SNAP25: variants seen among roughly 807,000 people sequenced by gnomAD.
SNAP25 encodes synaptosomal-associated protein 25.
A neutral mutation model predicts 28.7 loss-of-function variants in SNAP25; 3 were observed. The observed-to-expected ratio is 0.10, with a 90% CI of 0.05 to 0.27. The LOEUF is 0.27. SNAP25 is among the 10% of genes least tolerant of loss of function. The pLI is 1.00. For missense variants in SNAP25, 117 were observed against 278.7 expected, an observed-to-expected ratio of 0.42 and a Z score of 4.13; for synonymous variants, 61 against 88.1, an observed-to-expected ratio of 0.69 and a Z score of 1.72.
intron 1 of SNAP25, among the ~76,000 whole-genome samples, chr20:10,260,716 C>CAA (rs1435745658): frequency 4.1e-5 from 6 of 147,518 alleles, no homozygotes; most frequent in African/African-American, 1.5e-4. Flanking sequence ...CACACACACA[C>CAA]ACACACAAAC....
chr20:10,227,730 A>C (rs1236115299), intron 1 of SNAP25, among the ~76,000 whole-genome samples: 3 of 152,172 alleles, frequency 2.0e-5, no homozygotes, highest in Non-Finnish European at 4.4e-5. Context: ...CCATTCACTA[A>C]GAGCATTTAA....
intron 3 of SNAP25, among the ~76,000 whole-genome samples, chr20:10,279,861 T>C (rs953780900): frequency 1.3e-5 from 2 of 152,236 alleles, no homozygotes; most frequent in African/African-American, 4.8e-5. Context: ...TTAGAGTAGA[T>C]TGATTTGCTC....
chr20:10,264,918 C>CTT (rs958711328), intron 1 of SNAP25, among the ~76,000 whole-genome samples: 33 of 117,114 alleles, frequency 2.8e-4, no homozygotes, highest in Middle Eastern at 5.0e-3. Flanking sequence ...TCAGACCATG[C>CTT]TTTTTTTTTT....
intron 4 of SNAP25, among the ~76,000 whole-genome samples, chr20:10,285,165 A>C (rs916095768): frequency 6.6e-6 from 1 of 152,164 alleles, no homozygotes; most frequent in African/African-American, 2.4e-5. Flanking sequence ...CGTATGGCAT[A>C]TCATGTTGTC....
intron 1 of SNAP25, among the ~76,000 whole-genome samples, chr20:10,258,013 A>G (rs1381524823): frequency 6.6e-6 from 1 of 152,158 alleles, no homozygotes; most frequent in Non-Finnish European, 1.5e-5. Flanking sequence ...AAGCAAAATG[A>G]TGGATGCACA....
At chr20:10,260,619 A>T (rs148400305) in intron 1 of SNAP25, among the ~76,000 whole-genome samples, 24 of 152,068 alleles carry the variant, frequency 1.6e-4, no homozygotes, top group African/African-American at 5.3e-4. Flanking sequence ...TCGGTCAGGA[A>T]ACTCCCCTAA....
At chr20:10,266,749 C>T (rs2063513270) in intron 1 of SNAP25, among the ~76,000 whole-genome samples, 1 of 152,100 alleles carries the variant, frequency 6.6e-6, no homozygotes, top group African/African-American at 2.4e-5. Flanking sequence ...AACATGACAA[C>T]ACAGCTGCAA....
chr20:10,259,193 T>C (rs1296369333), intron 1 of SNAP25, among the ~76,000 whole-genome samples: 1 of 152,154 alleles, frequency 6.6e-6, no homozygotes, highest in East Asian at 1.9e-4. Context: ...AAGTCCAGGG[T>C]GAATGCCCAT....
intron 1 of SNAP25, among the ~76,000 whole-genome samples, chr20:10,267,286 C>A (rs2063521491): frequency 6.6e-6 from 1 of 151,818 alleles, no homozygotes; most frequent in Admixed American, 6.6e-5. Context: ...ATACCCAGAA[C>A]AAGAAAAATG....
At chr20:10,291,113 G>T (rs2063988629) in intron 4 of SNAP25, among the ~76,000 whole-genome samples, 1 of 151,954 alleles carries the variant, frequency 6.6e-6, no homozygotes, top group South Asian at 2.1e-4. Context: ...CGCTCTTGTT[G>T]CCCAAGCTGG....
At chr20:10,275,302 G>C (rs2063672276) in intron 1 of SNAP25, 127 bp from the exon 2 acceptor site, 1 of 382,162 alleles carries the variant, frequency 2.6e-6, no homozygotes, top group Non-Finnish European at 4.7e-6. Flanking sequence ...CCCTGTCTGA[G>C]TATGGCTTTC....
intron 1 of SNAP25, among the ~76,000 whole-genome samples, chr20:10,220,664 A>G (rs2062612446): frequency 6.6e-6 from 1 of 152,242 alleles, no homozygotes; most frequent in South Asian, 2.1e-4. Flanking sequence ...AACTGGCATA[A>G]AAATGACCAG....
intron 1 of SNAP25, among the ~76,000 whole-genome samples, chr20:10,239,978 A>T (rs1490438201): frequency 2.0e-5 from 3 of 152,154 alleles, no homozygotes; most frequent in Non-Finnish European, 4.4e-5. Context: ...AGCAACACAC[A>T]TTTCTTATCT....
intron 1 of SNAP25, among the ~76,000 whole-genome samples, chr20:10,247,928 G>A (rs1044122666): frequency 5.3e-5 from 8 of 152,186 alleles, no homozygotes; most frequent in African/African-American, 1.9e-4. Context: ...GACTCCCTTT[G>A]TAGTCTGTTG....
chr20:10,229,547 A>G (rs2062790169), intron 1 of SNAP25, among the ~76,000 whole-genome samples: 1 of 152,200 alleles, frequency 6.6e-6, no homozygotes, highest in South Asian at 2.1e-4. Flanking sequence ...GGCTTCCAAA[A>G]CAACCCTATA....
At chr20:10,223,787 T>C (rs1170675642) in intron 1 of SNAP25, among the ~76,000 whole-genome samples, 4 of 152,342 alleles carry the variant, frequency 2.6e-5, no homozygotes, top group South Asian at 2.1e-4. Context: ...CTACTCTTTC[T>C]ACATAATTTT....
Position 10,306,311 on chromosome 20 carries a change from A to G in SNAP25, c.*114A>G, listed in dbSNP as rs925820751. 2 of 872,380 alleles carry G rather than the reference A, an allele frequency of 2.3e-6. No individual in the cohort carries two copies. The highest frequency in any genetic ancestry group is 5.3e-5 in the East Asian group (2 of 37,426). The allele number at this position is 872,380 out of a possible 1,614,324, so 54.0% of individuals were successfully genotyped here. ...ACATAACACACATCAGTCCACCCCC[A>G]TTGTGAATGTTGTCCTGTGTCATCT... On this transcript the variant is annotated 3_prime_UTR_variant, in exon 8 of 8. Transcript: ENST00000254976.
chr20:10,255,583 A>T (rs363018), intron 1 of SNAP25, among the ~76,000 whole-genome samples: 3 of 152,008 alleles, frequency 2.0e-5, no homozygotes, highest in Admixed American at 6.6e-5. Flanking sequence ...AAGAAAGCTA[A>T]TAAAGAGTAC....
intron 2 of SNAP25, among the ~76,000 whole-genome samples, chr20:10,277,095 G>C (rs1202348014): frequency 6.6e-6 from 1 of 152,198 alleles, no homozygotes; most frequent in African/African-American, 2.4e-5. Context: ...CCATTGCAGA[G>C]CTCAGCCTTT....
Sources: allele counts gnomAD v4.1 joint callset (sites outside exome capture counted in the v4.1 genomes callset), GRCh38; gene constraint gnomAD v4.1.1; transcripts MANE v1.5; gene names NCBI Gene and HGNC (gene_info 2026-07-23, HGNC 2026-07-21).